Variants in SPIDR observed in about 807,000 individuals in gnomAD.
SPIDR encodes the protein scaffold protein involved in DNA repair.
Under a neutral mutation model 104.6 loss-of-function variants are expected in SPIDR, and 93 were observed. The ratio of observed to expected loss-of-function variants is 0.89; its 90% CI spans 0.75 to 1.06. SPIDR has a LOEUF of 1.06. Among genes scored for constraint, SPIDR ranks in the 50% least tolerant of loss-of-function variants. SPIDR has a pLI of 0.00. For missense variants in SPIDR, 1,154 were observed against 1,111.2 expected (o/e 1.04, Z -0.55); for synonymous variants, 431 against 416.9 (o/e 1.03, Z -0.41).
At chr8:47,586,708 G>T (rs1279893647) in intron 8 of SPIDR, among the ~76,000 whole-genome samples, 1 of 152,074 alleles carries the variant, frequency 6.6e-6, no homozygotes, top group Non-Finnish European at 1.5e-5. Context: ...TCCAAAGGGG[G>T]TCTTTCTTAG....
intron 5 of SPIDR, among the ~76,000 whole-genome samples, chr8:47,386,382 A>G (rs2059910171): frequency 6.6e-6 from 1 of 152,226 alleles, no homozygotes; most frequent in Non-Finnish European, 1.5e-5. Flanking sequence ...TACTTGACGT[A>G]AGTATTCATA....
At chr8:47,589,027 T>TG (rs1218026014) in intron 8 of SPIDR, among the ~76,000 whole-genome samples, 2 of 148,606 alleles carry the variant, frequency 1.3e-5, no homozygotes, top group African/African-American at 4.9e-5. Flanking sequence ...AGTTTGTTTT[T>TG]TTTTTTTTTT....
rs199722143 is a variant in SPIDR at position 47,575,379 on chromosome 8, C to G, written c.1098-20432C>G. Among the ~76,000 whole-genome samples the G allele has an allele frequency of 1.3e-3, 193 of 152,256 alleles. 1 individual carries two copies. In the East Asian group the frequency reaches 0.029, roughly 23 times the overall value. Reference sequence around the variant, plus strand: ...AAAAAGCTGGCCGGGCGCGGTGGCTCACGCCTGTAATCCCAGCACTTTGGG... The same window carrying G: ...AAAAAGCTGGCCGGGCGCGGTGGCTGACGCCTGTAATCCCAGCACTTTGGG... On this transcript the variant is annotated intron_variant, in intron 8 of 19. Coordinates refer to ENST00000297423, the MANE Select transcript of SPIDR (RefSeq NM_001080394.4).
At chr8:47,709,571 C>T (rs1407414773) in intron 14 of SPIDR, among the ~76,000 whole-genome samples, 7 of 152,190 alleles carry the variant, frequency 4.6e-5, no homozygotes, top group South Asian at 2.1e-4. Flanking sequence ...CCACCATGCC[C>T]GGCCAGAGAA....
chr8:47,675,760 C>T (rs1193210265), intron 11 of SPIDR, among the ~76,000 whole-genome samples: 1 of 152,248 alleles, frequency 6.6e-6, no homozygotes, highest in African/African-American at 2.4e-5. Context: ...TTGCAGTGAG[C>T]TGAGATTGCA....
intron 8 of SPIDR, among the ~76,000 whole-genome samples, chr8:47,574,702 C>T (rs923432731): frequency 6.6e-6 from 1 of 151,256 alleles, no homozygotes; most frequent in African/African-American, 2.4e-5. Context: ...AGGAGAATTG[C>T]TTGAACCCGG....
intron 5 of SPIDR, among the ~76,000 whole-genome samples, chr8:47,336,497 G>GT (rs1194887760): frequency 1.3e-5 from 2 of 152,116 alleles, no homozygotes; most frequent in Non-Finnish European, 2.9e-5. Flanking sequence ...AGGAAAAAAT[G>GT]TAACAATGTG....
chr8:47,422,574 C>T (rs1554681738), intron 7 of SPIDR, among the ~76,000 whole-genome samples: 2 of 152,228 alleles, frequency 1.3e-5, no homozygotes, highest in African/African-American at 2.4e-5. Flanking sequence ...GGCGATGTCT[C>T]GCCCTGCTTC....
At chr8:47,591,229 T>A (rs1265986138) in intron 8 of SPIDR, among the ~76,000 whole-genome samples, 4 of 151,130 alleles carry the variant, frequency 2.6e-5, no homozygotes, top group Non-Finnish European at 5.9e-5. Context: ...TTTTCCTGGT[T>A]TCATATGGGT....
At chr8:47,380,488 C>T (rs1001931631) in intron 5 of SPIDR, among the ~76,000 whole-genome samples, 2 of 152,102 alleles carry the variant, frequency 1.3e-5, no homozygotes, top group African/African-American at 4.8e-5. Context: ...CTTCTCCACC[C>T]TCCACTCCTG....
At chr8:47,497,345 TAA>T (rs1481854076) in intron 8 of SPIDR, among the ~76,000 whole-genome samples, 1 of 152,196 alleles carries the variant, frequency 6.6e-6, no homozygotes, top group Non-Finnish European at 1.5e-5. Context: ...TTCACAAATA[TAA>T]ATACTCTTCT....
intron 11 of SPIDR, among the ~76,000 whole-genome samples, chr8:47,692,923 C>T (rs2078872961): frequency 6.6e-6 from 1 of 152,214 alleles, no homozygotes; most frequent in Admixed American, 6.5e-5. Context: ...TCTCAGTTCT[C>T]TTGGATAGAC....
chr8:47,441,186 TA>T (rs1328527696), intron 8 of SPIDR, among the ~76,000 whole-genome samples: 11 of 152,224 alleles, frequency 7.2e-5, no homozygotes, highest in African/African-American at 2.4e-4. Context: ...GATAAATTTT[TA>T]TAAATATTAT....
At chr8:47,545,117 TTC>T (rs1225097921) in intron 8 of SPIDR, among the ~76,000 whole-genome samples, 31 of 95,306 alleles carry the variant, frequency 3.3e-4, no homozygotes, top group African/African-American at 9.7e-4. Flanking sequence ...CTTTCTTTCT[TTC>T]TTTTTTTTTT....
chr8:47,264,853 G>T (rs1481066979), intron 1 of SPIDR, among the ~76,000 whole-genome samples: 2 of 152,046 alleles, frequency 1.3e-5, no homozygotes, highest in African/African-American at 4.8e-5. Context: ...ATGATATACC[G>T]AGCATATAAA....
chr8:47,461,665 A>AGACAGAGCT (rs2073959867), intron 8 of SPIDR, among the ~76,000 whole-genome samples: 1 of 150,852 alleles, frequency 6.6e-6, no homozygotes, highest in African/African-American at 2.4e-5. Flanking sequence ...TAATTCAAAA[A>AGACAGAGCT]CCTTGTCTTT....
intron 11 of SPIDR, among the ~76,000 whole-genome samples, chr8:47,690,148 G>A (rs985517291): frequency 3.3e-5 from 5 of 152,132 alleles, no homozygotes; most frequent in Admixed American, 6.5e-5. Flanking sequence ...TGGTGAGCGA[G>A]TGGATCATGT....
intron 8 of SPIDR, among the ~76,000 whole-genome samples, chr8:47,548,817 C>T (rs987688448): frequency 1.3e-4 from 20 of 152,108 alleles, no homozygotes; most frequent in Non-Finnish European, 1.9e-4. Flanking sequence ...ATGTGCACAA[C>T]GTGCAGGTTT....
intron 8 of SPIDR, among the ~76,000 whole-genome samples, chr8:47,535,074 C>T (rs749385922): frequency 3.3e-5 from 5 of 152,124 alleles, no homozygotes; most frequent in Non-Finnish European, 7.4e-5. Context: ...GAAAGACACA[C>T]TCTACCAAAA....
Sources: gnomAD v4.1 joint callset for allele counts (sites outside exome capture counted in the v4.1 genomes callset) on GRCh38, gnomAD v4.1.1 for gene constraint, MANE v1.5 for transcripts, NCBI Gene and HGNC (gene_info 2026-07-23, HGNC 2026-07-21) for gene names.